The following SPATA6 variants were observed in gnomAD, a reference collection of about 807,000 sequenced individuals.
SPATA6 encodes spermatogenesis-associated protein 6.
In SPATA6, 56 loss-of-function variants were observed where a neutral mutation model predicts 65.3. The observed-to-expected ratio is 0.86, with a 90% CI of 0.69 to 1.07. SPATA6 has a LOEUF of 1.07. Ranked by LOEUF, SPATA6 falls within the 50% of genes least tolerant of loss-of-function variation. SPATA6 has a pLI of 0.00. For missense variants in SPATA6, 590 were observed against 594.8 expected (o/e 0.99, Z 0.08); for synonymous variants, 199 against 213.2 (o/e 0.93, Z 0.58).
chr1:48,429,340 A>G (rs1654186033), intron 3 of SPATA6, among the ~76,000 whole-genome samples: 1 of 152,102 alleles, frequency 6.6e-6, no homozygotes, highest in Non-Finnish European at 1.5e-5. Flanking sequence ...TTGAAAAACA[A>G]CTGCATATAC....
intron 3 of SPATA6, among the ~76,000 whole-genome samples, chr1:48,415,020 A>T (rs1331862061): frequency 6.6e-6 from 1 of 152,206 alleles, no homozygotes; most frequent in East Asian, 1.9e-4. Context: ...GTCAACCTAA[A>T]TAACAAACAG....
chr1:48,348,417 T>C (rs1646429412), intron 11 of SPATA6, among the ~76,000 whole-genome samples: 1 of 152,060 alleles, frequency 6.6e-6, no homozygotes, highest in Non-Finnish European at 1.5e-5. Flanking sequence ...TACAGTTTTG[T>C]ATAATATTAT....
intron 1 of SPATA6, among the ~76,000 whole-genome samples, chr1:48,462,745 G>A (rs1657540755): frequency 6.6e-6 from 1 of 152,132 alleles, no homozygotes; most frequent in South Asian, 2.1e-4. Context: ...TAATAACATA[G>A]AGACCTTGTT....
chr1:48,276,548 C>T, the SPATA6 span, among the ~76,000 whole-genome samples: 3 of 152,014 alleles, frequency 2.0e-5, no homozygotes, highest in South Asian at 2.1e-4. Flanking sequence ...TGTTCTTATT[C>T]GTTTTAAAGA....
chr1:48,363,187 G>C (rs573595651), intron 9 of SPATA6, among the ~76,000 whole-genome samples: 1 of 152,034 alleles, frequency 6.6e-6, no homozygotes, highest in Admixed American at 6.6e-5. Context: ...GAGGTAAAAC[G>C]AAAGGGTACG....
At chr1:48,341,750 G>A (rs1020139755) in intron 11 of SPATA6, among the ~76,000 whole-genome samples, 1 of 152,162 alleles carries the variant, frequency 6.6e-6, no homozygotes, top group African/African-American at 2.4e-5. Context: ...TACTAGTTTT[G>A]CTGTCACACT....
chr1:48,437,150 T>G, intron 3 of SPATA6: 2 of 1,603,790 alleles, frequency 1.2e-6, no homozygotes, highest in Non-Finnish European at 1.7e-6. Context: ...TCAATACCAT[T>G]GCCTCCAGTG....
At chr1:48,415,821 G>A (rs1652721606) in intron 3 of SPATA6, among the ~76,000 whole-genome samples, 1 of 151,398 alleles carries the variant, frequency 6.6e-6, no homozygotes, top group Admixed American at 6.6e-5. Context: ...CCAAAATACA[G>A]GAAGGTCAGA....
chr1:48,383,669 G>A (rs1481345253), intron 9 of SPATA6, among the ~76,000 whole-genome samples: 1 of 35,574 alleles, frequency 2.8e-5, no homozygotes, highest in Non-Finnish European at 6.2e-5. Context: ...CAGGGCTGCG[G>A]CCCAGCAGAG....
At chr1:48,381,934 C>T (rs1195492469) in intron 9 of SPATA6, among the ~76,000 whole-genome samples, 1 of 121,286 alleles carries the variant, frequency 8.2e-6, no homozygotes, top group Non-Finnish European at 1.7e-5. Flanking sequence ...CTTCAAGCAT[C>T]TGTTTAACAA....
downstream of SPATA6, chr1:48,295,234 TA>T (rs1442690802): frequency 1.3e-5 from 2 of 152,136 alleles, no homozygotes; most frequent in East Asian, 3.9e-4. Flanking sequence ...AGTCAACTCC[TA>T]GATGTATACT....
intron 8 of SPATA6, among the ~76,000 whole-genome samples, chr1:48,387,039 C>T (rs55781172): frequency 0.021 from 3,263 of 152,316 alleles, 36 homozygotes; most frequent in Middle Eastern, 0.031. Flanking sequence ...TACAGTTCCA[C>T]GTAGCTGGGG....
At chr1:48,427,694 C>T (rs12731504) in intron 3 of SPATA6, among the ~76,000 whole-genome samples, 37,273 of 152,036 alleles carry the variant, frequency 0.25, 4,784 homozygotes, top group Admixed American at 0.3. Context: ...CCATCAAACC[C>T]ACACACTGTT....
chr1:48,438,709 C>T (rs544961220), intron 3 of SPATA6, among the ~76,000 whole-genome samples: 4 of 152,202 alleles, frequency 2.6e-5, no homozygotes, highest in East Asian at 3.9e-4. Flanking sequence ...AACTTCCTCT[C>T]GCCTCTTTTC....
chr1:48,443,187 G>C (rs1009161219), intron 3 of SPATA6, among the ~76,000 whole-genome samples: 1 of 152,238 alleles, frequency 6.6e-6, no homozygotes, highest in Non-Finnish European at 1.5e-5. Context: ...CCACTTCTAA[G>C]TGAATATGGA....
In SPATA6 at chr1:48,459,757, A is replaced by C. The variant is rs372148927; in HGVS notation, c.52-6626T>G. 2.0e-5 allele frequency among the ~76,000 whole-genome samples: 3 copies of C among 152,202 alleles called. No individual in the cohort carries two copies. In the South Asian group the frequency reaches 6.2e-4, roughly 31 times the overall value. On this transcript the variant is annotated intron_variant, in intron 1 of 12. Transcript: ENST00000371847. ...TAAAAGGACATAAATTTTTTTAAAAAATCATGCAGAGTATATTCTCTAACC... is the reference window on the plus strand; with the variant it reads ...TAAAAGGACATAAATTTTTTTAAAACATCATGCAGAGTATATTCTCTAACC...
At chr1:48,377,834 TAAAA>T (rs1361560272) in intron 9 of SPATA6, among the ~76,000 whole-genome samples, 1 of 152,160 alleles carries the variant, frequency 6.6e-6, no homozygotes, top group Non-Finnish European at 1.5e-5. Context: ...TCTTCCAGAG[TAAAA>T]TTGTTGCTAA....
intron 5 of SPATA6, among the ~76,000 whole-genome samples, chr1:48,406,477 T>C (rs1437856241): frequency 6.6e-6 from 1 of 152,218 alleles, no homozygotes; most frequent in Non-Finnish European, 1.5e-5. Context: ...ATAAGATTAA[T>C]CATCACACCA....
At chr1:48,294,724 T>C (rs899003091), downstream of SPATA6, among the ~76,000 whole-genome samples, 14 of 152,244 alleles carry the variant, frequency 9.2e-5, no homozygotes, top group African/African-American at 3.1e-4. Context: ...GTCCTTTCAA[T>C]CTTTCAATAT....
Sources: gnomAD v4.1 joint callset for allele counts (sites outside exome capture counted in the v4.1 genomes callset) on GRCh38, gnomAD v4.1.1 for gene constraint, MANE v1.5 for transcripts, NCBI Gene and HGNC (gene_info 2026-07-23, HGNC 2026-07-21) for gene names.